The following DAB1 variants were observed in gnomAD, a reference collection of about 807,000 sequenced individuals.
The protein encoded by DAB1 is DAB adaptor protein 1, also known as disabled homolog 1.
DAB1 carries 15 observed loss-of-function variants against 64.6 expected under a neutral mutation model. The observed-to-expected ratio is 0.23, with a 90% CI of 0.16 to 0.36. The LOEUF is 0.36. Among genes scored for constraint, DAB1 ranks in the 10% least tolerant of loss-of-function variants. DAB1 has a pLI of 1.00. For synonymous variants in DAB1, 235 were observed against 251.9 expected, an observed-to-expected ratio of 0.93 and a Z score of 0.64; for missense variants, 596 against 706.7, an observed-to-expected ratio of 0.84 and a Z score of 1.78.
chr1:57,983,986 A>G (rs1259016758), intron 5 of DAB1, among the ~76,000 whole-genome samples: 1 of 152,096 alleles, frequency 6.6e-6, no homozygotes, highest in Non-Finnish European at 1.5e-5. Flanking sequence ...GCACATGCAC[A>G]TGTGCACACA....
At chr1:58,125,736 A>G (rs929543222) in intron 5 of DAB1, among the ~76,000 whole-genome samples, 5 of 152,176 alleles carry the variant, frequency 3.3e-5, no homozygotes, top group Non-Finnish European at 5.9e-5. Context: ...ATAAGCCACC[A>G]TGCCCAGTCT....
At chr1:57,524,759 C>G (rs982691664) in intron 7 of DAB1, among the ~76,000 whole-genome samples, 4 of 152,168 alleles carry the variant, frequency 2.6e-5, no homozygotes, top group Admixed American at 2.6e-4. Context: ...GTTATTTTTA[C>G]TTCTTTTGTG....
intron 3 of DAB1, among the ~76,000 whole-genome samples, chr1:58,397,781 C>T (rs758238428): frequency 4.6e-5 from 7 of 152,200 alleles, no homozygotes; most frequent in Non-Finnish European, 1.0e-4. Context: ...TCACCACGTC[C>T]TGTGGATTTG....
chr1:57,653,247 A>G (rs1331820818), intron 6 of DAB1, among the ~76,000 whole-genome samples: 1 of 152,164 alleles, frequency 6.6e-6, no homozygotes, highest in Non-Finnish European at 1.5e-5. Context: ...CTAAATTTCC[A>G]TACATATTTT....
intron 5 of DAB1, among the ~76,000 whole-genome samples, chr1:58,138,273 C>T (rs1448324367): frequency 6.6e-6 from 1 of 152,088 alleles, no homozygotes; most frequent in African/African-American, 2.4e-5. Flanking sequence ...TAGTAAGTAG[C>T]AGAACCAAGA....
At chr1:57,840,986 C>T (rs1030558246) in intron 1 of DAB1, among the ~76,000 whole-genome samples, 1 of 152,192 alleles carries the variant, frequency 6.6e-6, no homozygotes, top group Non-Finnish European at 1.5e-5. Flanking sequence ...TCCAAAGTCT[C>T]ATCTGAGACA....
intron 4 of DAB1, among the ~76,000 whole-genome samples, chr1:58,216,510 A>C (rs919834416): frequency 6.6e-6 from 1 of 152,192 alleles, no homozygotes; most frequent in Non-Finnish European, 1.5e-5. Flanking sequence ...GTGTCTTTAT[A>C]GTAGAATGAT....
upstream of DAB1, among the ~76,000 whole-genome samples, chr1:57,426,439 T>C (rs1394014289): frequency 1.3e-5 from 2 of 152,240 alleles, no homozygotes; most frequent in Non-Finnish European, 1.5e-5. Context: ...AGGAACATTT[T>C]AAGTTGTTGT....
intron 5 of DAB1, among the ~76,000 whole-genome samples, chr1:57,943,386 A>T (rs186867875): frequency 5.1e-4 from 78 of 152,288 alleles, no homozygotes; most frequent in African/African-American, 1.8e-3. Context: ...TAGTAAGCTC[A>T]TGTGTGTTAC....
At chr1:57,039,082 A>T (rs577965987) in intron 9 of DAB1, among the ~76,000 whole-genome samples, 1 of 152,372 alleles carries the variant, frequency 6.6e-6, no homozygotes, top group African/African-American at 2.4e-5. Context: ...TGATGGTTTC[A>T]GGAGAGGCAG....
chr1:57,548,071 T>G (rs1163998588), intron 7 of DAB1, among the ~76,000 whole-genome samples: 2 of 152,206 alleles, frequency 1.3e-5, no homozygotes, highest in African/African-American at 4.8e-5. Flanking sequence ...CTATTATCTG[T>G]GTCTATAATA....
At chr1:57,077,499 C>T (rs1484470924) in intron 4 of DAB1, among the ~76,000 whole-genome samples, 1 of 152,162 alleles carries the variant, frequency 6.6e-6, no homozygotes, top group Non-Finnish European at 1.5e-5. Context: ...ATGGTGGATG[C>T]TCAATACATG....
At chr1:58,494,561 C>G (rs1244930082) in intron 3 of DAB1, among the ~76,000 whole-genome samples, 1 of 152,014 alleles carries the variant, frequency 6.6e-6, no homozygotes, top group Non-Finnish European at 1.5e-5. Context: ...TGAACTCAAA[C>G]AAATTTACAA....
At chr1:57,455,098 A>G (rs921156949) in intron 7 of DAB1, among the ~76,000 whole-genome samples, 6 of 152,182 alleles carry the variant, frequency 3.9e-5, no homozygotes, top group African/African-American at 1.2e-4. Flanking sequence ...AGGAAGTGCC[A>G]ATGGGATTTC....
intron 4 of DAB1, among the ~76,000 whole-genome samples, chr1:58,220,611 G>T (rs757904810): frequency 1.3e-5 from 2 of 152,166 alleles, no homozygotes; most frequent in African/African-American, 4.8e-5. Context: ...AGCAGTGGCT[G>T]TGGAGTCTCT....
intron 1 of DAB1, among the ~76,000 whole-genome samples, chr1:57,361,015 G>A (rs1679503873): frequency 6.6e-6 from 1 of 151,988 alleles, no homozygotes; most frequent in South Asian, 2.1e-4. Context: ...TAGGAGAGAG[G>A]CCCCCCTTTA....
chr1:57,133,458 C>T (rs1657803867), intron 4 of DAB1, among the ~76,000 whole-genome samples: 1 of 152,170 alleles, frequency 6.6e-6, no homozygotes, highest in Non-Finnish European at 1.5e-5. Context: ...TAACTCCTTC[C>T]TCGTCATCCA....
At chr1:57,807,426 T>C (rs545148074) in intron 6 of DAB1, among the ~76,000 whole-genome samples, 122 of 152,312 alleles carry the variant, frequency 8.0e-4, no homozygotes, top group Non-Finnish European at 1.5e-3. Context: ...CAGAGACAAC[T>C]TTCCCCCAGG....
At chr1:58,377,057 T>C (rs199646105) in intron 3 of DAB1, among the ~76,000 whole-genome samples, 1 of 119,184 alleles carries the variant, frequency 8.4e-6, no homozygotes, top group Non-Finnish European at 1.7e-5. Flanking sequence ...TCCTTTTATT[T>C]TGAGCCTATG....
Sources: allele counts gnomAD v4.1 joint callset (sites outside exome capture counted in the v4.1 genomes callset), GRCh38; gene constraint gnomAD v4.1.1; transcripts MANE v1.5; gene names NCBI Gene and HGNC (gene_info 2026-07-23, HGNC 2026-07-21).